The following SLC16A9 variants were observed in gnomAD, a reference collection of about 807,000 sequenced individuals.
SLC16A9 encodes monocarboxylate transporter 9.
Under a neutral mutation model 44.3 loss-of-function variants are expected in SLC16A9, and 26 were observed. The observed-to-expected ratio is 0.59, with a 90% CI of 0.43 to 0.81. SLC16A9 has a LOEUF of 0.81. Ranked by LOEUF, SLC16A9 falls within the 40% of genes least tolerant of loss-of-function variation. The pLI, the probability that SLC16A9 is intolerant of heterozygous loss-of-function variation, is 0.00. For synonymous variants in SLC16A9, 230 were observed against 225.1 expected (o/e 1.02, Z -0.19); for missense variants, 559 against 595.8 (o/e 0.94, Z 0.64).
At chr10:59,684,028 T>A (rs963743555) in intron 2 of SLC16A9, 68 bp downstream of exon 2, 1 of 1,314,004 alleles carries the variant, frequency 7.6e-7, no homozygotes, top group African/African-American at 1.5e-5. Context: ...CCTTGCACAA[T>A]GTTCATGATG....
At chr10:59,681,647 G>GTATGTA (rs201796519) in intron 2 of SLC16A9, among the ~76,000 whole-genome samples, 148 of 9,700 alleles carry the variant, frequency 0.015, 55 homozygotes, top group African/African-American at 0.028. Flanking sequence ...ATGTGTATGT[G>GTATGTA]TATGTATATG....
At chr10:59,697,220 G>C (rs1245770635) in intron 1 of SLC16A9, among the ~76,000 whole-genome samples, 1 of 151,216 alleles carries the variant, frequency 6.6e-6, no homozygotes, top group Non-Finnish European at 1.5e-5. Flanking sequence ...CCACCACCCC[G>C]TCTGGGAGGT....
intron 4 of SLC16A9, among the ~76,000 whole-genome samples, chr10:59,658,554 G>A (rs1051378992): frequency 3.3e-5 from 5 of 151,616 alleles, no homozygotes; most frequent in Admixed American, 6.6e-5. Context: ...CTTCTAACTC[G>A]ATGTCATACT....
chr10:59,666,255 C>T (rs1434228613), intron 3 of SLC16A9, among the ~76,000 whole-genome samples: 1 of 149,396 alleles, frequency 6.7e-6, no homozygotes, highest in Non-Finnish European at 1.5e-5. Context: ...GCTGAGATCG[C>T]GCCATTGCAC....
intron 1 of SLC16A9, among the ~76,000 whole-genome samples, chr10:59,706,778 G>A (rs558704934): frequency 9.2e-5 from 14 of 152,168 alleles, no homozygotes; most frequent in Middle Eastern, 6.8e-3. Flanking sequence ...TTCGAGACCA[G>A]CCTGGCCAAC....
rs999285083 is a variant in SLC16A9, at chr10:59,709,708, C to T, written c.-266G>A. 1 of 152,360 alleles carries T rather than the reference C, an allele frequency of 6.6e-6. No homozygotes were observed. The highest frequency in any genetic ancestry group is 1.9e-4 in the East Asian group (1 of 5,140). The allele number at this position is 152,360 out of a possible 1,614,324, so 9.4% of individuals were successfully genotyped here. On this transcript the variant is annotated 5_prime_UTR_variant, in exon 1 of 6. Coordinates refer to ENST00000395348, the MANE Select transcript of SLC16A9 (RefSeq NM_194298.3). ...AGCCGCCGCCCTCTGCCCCCACAGACCCGCAGCGGCGGCGGCCACATGGAG... is the reference window on the plus strand; with the variant it reads ...AGCCGCCGCCCTCTGCCCCCACAGATCCGCAGCGGCGGCGGCCACATGGAG...
At chr10:59,657,496 C>T (rs1461380106) in intron 4 of SLC16A9, among the ~76,000 whole-genome samples, 1 of 152,206 alleles carries the variant, frequency 6.6e-6, no homozygotes, top group Non-Finnish European at 1.5e-5. Context: ...ATACTTCTCC[C>T]TAATTTCCCT....
intron 1 of SLC16A9, among the ~76,000 whole-genome samples, chr10:59,698,691 C>T (rs1330282131): frequency 2.0e-5 from 3 of 152,110 alleles, no homozygotes; most frequent in African/African-American, 4.8e-5. Flanking sequence ...TTCTTTGTGT[C>T]CAAGCCACAC....
Position 59,707,600 on chromosome 10 carries a change from A to C in SLC16A9, c.-37+1879T>G, listed in dbSNP as rs1440353518. On this transcript the variant is annotated intron_variant, in intron 1 of 5. Transcript: ENST00000395348. ...CTCACCACACCAAAAAAAAAAAAAA[A>C]ACAAAAGATAAAAATGTGACGTAAT... 1.1e-4 allele frequency among the ~76,000 whole-genome samples: 16 copies of C among 147,086 alleles called. No individual in the cohort carries two copies. In the South Asian group the frequency reaches 3.0e-3, roughly 28 times the overall value.
At chr10:59,680,515 C>T (rs1283997082) in intron 2 of SLC16A9, among the ~76,000 whole-genome samples, 6 of 152,170 alleles carry the variant, frequency 3.9e-5, no homozygotes, top group Non-Finnish European at 8.8e-5. Flanking sequence ...ATAATTTACA[C>T]GGCATGAGTA....
Position 59,672,414 on chromosome 10 carries a change from A to G in SLC16A9, c.340+356T>C, listed in dbSNP as rs556507178. On this transcript the variant is annotated intron_variant, in intron 3 of 5. Transcript: ENST00000395348. The stretch of plus-strand genomic sequence containing the variant: ...TCAAAGAATCATGCTTGACTGCCCA[A>G]TAGGAAAAGGGCCACTTCATAATTT... 2.0e-5 allele frequency among the ~76,000 whole-genome samples: 3 copies of G among 152,310 alleles called. No individual in the cohort carries two copies. The East Asian group carries it at 5.8e-4, about 29-fold the overall frequency.
At chr10:59,664,442 A>T in intron 3 of SLC16A9, 120 bp from the exon 4 acceptor site, 1 of 559,118 alleles carries the variant, frequency 1.8e-6, no homozygotes, top group East Asian at 3.5e-5. Flanking sequence ...AACTGTTACA[A>T]GTACAGACTC....
At chr10:59,696,913 A>G (rs1312515581) in intron 1 of SLC16A9, among the ~76,000 whole-genome samples, 4 of 93,258 alleles carry the variant, frequency 4.3e-5, no homozygotes, top group Admixed American at 1.2e-4. Flanking sequence ...CCCGACAGCC[A>G]CCCCGTCCGG....
chr10:59,674,191 C>CT (rs754915744), intron 2 of SLC16A9, among the ~76,000 whole-genome samples: 5 of 152,188 alleles, frequency 3.3e-5, no homozygotes, highest in African/African-American at 4.8e-5. Flanking sequence ...TCTTTTACCA[C>CT]TTTTTGAAGC....
intron 4 of SLC16A9, among the ~76,000 whole-genome samples, chr10:59,658,249 C>T (rs1338680543): frequency 6.6e-6 from 1 of 152,090 alleles, no homozygotes; most frequent in Non-Finnish European, 1.5e-5. Context: ...CCAGACCAAG[C>T]CAATGTACAA....
chr10:59,693,766 C>A (rs1362701429), intron 1 of SLC16A9, among the ~76,000 whole-genome samples: 1 of 151,154 alleles, frequency 6.6e-6, no homozygotes, highest in African/African-American at 2.4e-5. Context: ...GCTACAGGCG[C>A]CCGCCACCAC....
rs1042482980 is a variant in SLC16A9, at chr10:59,651,769, A to ACG, written c.*1002_*1003insCG. ...CAGACTTAGAGCATGCATAGCACAC[A>ACG]CACACACACACACACACACTCACGT... is the stretch of plus-strand genomic sequence containing the variant. On this transcript the variant is annotated 3_prime_UTR_variant, in exon 6 of 6. Transcript: ENST00000395348. 1 of 142,976 alleles carries ACG rather than the reference A, an allele frequency of 7.0e-6. No homozygotes were observed. Among genetic ancestry groups the ACG allele is most frequent in the African/African-American group, 3.0e-5 (1 of 33,278 alleles). 8.9% of individuals were successfully genotyped at this position (142,976 alleles called of 1,614,324 possible). A position where few individuals can be genotyped will look rare whatever the true frequency, so the allele number is the denominator to read the frequency against.
At chr10:59,665,495 G>C (rs1839589176) in intron 3 of SLC16A9, among the ~76,000 whole-genome samples, 1 of 152,232 alleles carries the variant, frequency 6.6e-6, no homozygotes, top group African/African-American at 2.4e-5. Flanking sequence ...AAATGAGAGA[G>C]ATTAAAACAA....
At chr10:59,705,531 A>G (rs1279196618) in intron 1 of SLC16A9, among the ~76,000 whole-genome samples, 1 of 152,208 alleles carries the variant, frequency 6.6e-6, no homozygotes, top group East Asian at 1.9e-4. Context: ...AATTATTATT[A>G]TTAATGATTG....
Sources: allele counts gnomAD v4.1 joint callset (sites outside exome capture counted in the v4.1 genomes callset), GRCh38; gene constraint gnomAD v4.1.1; transcripts MANE v1.5; gene names NCBI Gene and HGNC (gene_info 2026-07-23, HGNC 2026-07-21).